ACSL5: variants seen among roughly 807,000 people sequenced by gnomAD.
ACSL5 encodes acyl-CoA synthetase long chain family member 5.
Under a neutral mutation model 84.9 loss-of-function variants are expected in ACSL5, and 50 were observed. The observed-to-expected ratio is 0.59, with a 90% CI of 0.47 to 0.75. The LOEUF (loss-of-function observed/expected upper bound fraction) is 0.75. Among genes scored for constraint, ACSL5 ranks in the 30% least tolerant of loss-of-function variants. ACSL5 has a pLI of 0.00. For synonymous variants in ACSL5, 280 were observed against 300.7 expected (o/e 0.93, Z 0.71); for missense variants, 775 against 830.4 (o/e 0.93, Z 0.82).
chr10:112,425,467 G>A lies in ACSL5; in HGVS notation c.1723G>A (p.Gly575Arg), dbSNP rs374877521. ...SQPVLQIFVH[G>R]ESLRSSLVGV... is the part of the protein sequence containing the mutation. ...ACCAGTGTTACAAATTTTTGTACAC[G>A]GGGAGAGCTTACGGGTAATATATCA... Residue 575 changes from glycine (G) to arginine (R), a missense_variant, in exon 18 of 21, where the codon GGG (glycine) becomes AGG (arginine). Gly to Arg is a moderately radical substitution (Grantham distance 125). Coordinates refer to ENST00000354655, the MANE Select transcript of ACSL5 (RefSeq NM_203379.2). The A allele has an allele frequency of 5.0e-6, 8 of 1,611,624 alleles. No homozygotes were observed. Among genetic ancestry groups the A allele is most frequent in the South Asian group, 2.2e-5 (2 of 90,650 alleles).
At chr10:112,392,565 C>T (rs1218123506) in intron 1 of ACSL5, among the ~76,000 whole-genome samples, 2 of 152,068 alleles carry the variant, frequency 1.3e-5, no homozygotes, top group African/African-American at 2.4e-5. Context: ...CATAGTGAAA[C>T]CCCGTCTCTA....
At chr10:112,415,480 A>G (rs550318381) in intron 12 of ACSL5, among the ~76,000 whole-genome samples, 2 of 152,296 alleles carry the variant, frequency 1.3e-5, no homozygotes, top group African/African-American at 4.8e-5. Flanking sequence ...CTCTAATACT[A>G]GCTCTTTGTC....
At chr10:112,410,562 G>A in intron 8 of ACSL5, 22 bp from the exon 9 acceptor site, 1 of 1,614,164 alleles carries the variant, frequency 6.2e-7, no homozygotes, top group South Asian at 1.1e-5. Context: ...GGTGGAATAA[G>A]CCCTTGTGCT....
intron 1 of ACSL5, chr10:112,376,186 GAA>G: frequency 7.8e-7 from 1 of 1,286,654 alleles, no homozygotes. Flanking sequence ...TTTCAGTTGT[GAA>G]AAAAAAAATT....
chr10:112,382,467 C>T (rs1005872057), intron 1 of ACSL5, among the ~76,000 whole-genome samples: 1 of 152,174 alleles, frequency 6.6e-6, no homozygotes, highest in African/African-American at 2.4e-5. Flanking sequence ...AGGATGGTCA[C>T]TATGTGCATG....
chr10:112,421,549 A>G (rs1844464945), intron 14 of ACSL5, 44 bp from the exon 15 acceptor site: 1 of 1,584,502 alleles, frequency 6.3e-7, no homozygotes, highest in African/African-American at 1.3e-5. Flanking sequence ...GCCAGCTCAC[A>G]CTTTATCTTG....
intron 9 of ACSL5, among the ~76,000 whole-genome samples, chr10:112,411,155 A>G (rs532550387): frequency 6.6e-6 from 1 of 152,302 alleles, no homozygotes; most frequent in East Asian, 1.9e-4. Context: ...AAACAGCATG[A>G]GATGTGGGGC....
intron 12 of ACSL5, among the ~76,000 whole-genome samples, chr10:112,413,591 G>A (rs531042659): frequency 5.9e-5 from 9 of 152,240 alleles, no homozygotes; most frequent in South Asian, 2.1e-4. Context: ...CTGGACTGGT[G>A]GGGAGCACCT....
intron 13 of ACSL5, 103 bp downstream of exon 13, chr10:112,417,125 G>A: frequency 7.6e-7 from 1 of 1,307,476 alleles, no homozygotes; most frequent in Non-Finnish European, 1.0e-6. Flanking sequence ...ACTTTAACTA[G>A]AGATCCTTTC....
At chr10:112,416,569 T>C (rs1401270679) in intron 12 of ACSL5, among the ~76,000 whole-genome samples, 1 of 150,978 alleles carries the variant, frequency 6.6e-6, no homozygotes, top group East Asian at 1.9e-4. Context: ...CTGTGTTTTT[T>C]GTTTGTTTGT....
intron 1 of ACSL5, among the ~76,000 whole-genome samples, chr10:112,383,048 C>T (rs1021846553): frequency 1.3e-5 from 2 of 152,148 alleles, no homozygotes; most frequent in African/African-American, 4.8e-5. Flanking sequence ...GCAGGTGGAT[C>T]GCTTCAGCCC....
At chr10:112,403,655 A>C (rs1295152964) in intron 3 of ACSL5, among the ~76,000 whole-genome samples, 2 of 152,192 alleles carry the variant, frequency 1.3e-5, no homozygotes, top group Non-Finnish European at 2.9e-5. Flanking sequence ...ATGATAGGAG[A>C]AAAGTGAATT....
intron 10 of ACSL5, 29 bp downstream of exon 10, chr10:112,411,558 C>T: frequency 6.3e-7 from 1 of 1,588,080 alleles, no homozygotes; most frequent in Non-Finnish European, 8.6e-7. Flanking sequence ...AAGAGGCTCT[C>T]ATTAAAATGT....
intron 3 of ACSL5, among the ~76,000 whole-genome samples, chr10:112,399,661 T>C (rs1174878262): frequency 6.6e-6 from 1 of 152,274 alleles, no homozygotes; most frequent in Non-Finnish European, 1.5e-5. Context: ...TAGCTCTTTC[T>C]GTGCCTTTGG....
In ACSL5 at chr10:112,410,452, C is replaced by T; in HGVS notation, c.712-11C>T. Reference sequence around the variant, plus strand: ...CTAATGTCTTTCTTTCTTGGTTTTCCATTCACATAGAACCTAGGCAAAGAG... The same window carrying T: ...CTAATGTCTTTCTTTCTTGGTTTTCTATTCACATAGAACCTAGGCAAAGAG... On this transcript the variant is annotated splice_polypyrimidine_tract_variant and intron_variant, in intron 7 of 20. Transcript: ENST00000354655. The T allele has an allele frequency of 6.2e-7, 1 of 1,614,076 alleles. No individual in the cohort carries two copies. Among genetic ancestry groups the T allele is most frequent in the East Asian group, 2.2e-5 (1 of 44,880 alleles).
chr10:112,374,310 C>T (rs1282268038), intron 1 of ACSL5, 41 bp downstream of exon 1: 2 of 152,084 alleles, frequency 1.3e-5, no homozygotes, highest in Non-Finnish European at 2.9e-5. Context: ...TTGAATATAT[C>T]TGTGAGATAG....
intron 1 of ACSL5, among the ~76,000 whole-genome samples, chr10:112,385,575 A>G (rs1342930611): frequency 6.6e-6 from 1 of 152,220 alleles, no homozygotes; most frequent in Non-Finnish European, 1.5e-5. Context: ...CTTAAGAACT[A>G]TAAGCAAAGT....
intron 13 of ACSL5, 133 bp downstream of exon 13, chr10:112,417,155 T>G: frequency 3.4e-6 from 3 of 893,392 alleles, no homozygotes; most frequent in Non-Finnish European, 4.9e-6. Context: ...GTCCACTGCC[T>G]TTTGAGATCT....
intron 12 of ACSL5, among the ~76,000 whole-genome samples, chr10:112,414,594 G>A (rs528609243): frequency 3.6e-4 from 54 of 152,110 alleles, no homozygotes; most frequent in African/African-American, 1.3e-3. Flanking sequence ...CTGACCTCAA[G>A]TGATCACCCT....
Sources: allele counts gnomAD v4.1 joint callset (sites outside exome capture counted in the v4.1 genomes callset), GRCh38; gene constraint gnomAD v4.1.1; transcripts MANE v1.5; gene names NCBI Gene and HGNC (gene_info 2026-07-23, HGNC 2026-07-21).